Variants in NBAS observed in about 807,000 individuals in gnomAD.
NBAS encodes NBAS subunit of NRZ tethering complex, also known as NAG/BC035112 fusion.
NBAS carries 219 observed loss-of-function variants against 302.5 expected under a neutral mutation model. The ratio of observed to expected loss-of-function variants is 0.72; its 90% CI spans 0.65 to 0.81. The LOEUF (loss-of-function observed/expected upper bound fraction) is 0.81, where lower values mean the gene tolerates loss of function less well. NBAS is among the 30% of genes least tolerant of loss of function. The pLI is 0.00. For missense variants in NBAS, 2,932 were observed against 2,841.6 expected (o/e 1.03, Z -0.72); for synonymous variants, 1,118 against 1,021.6 (o/e 1.09, Z -1.80).
intron 49 of NBAS, among the ~76,000 whole-genome samples, chr2:15,188,593 G>T (rs1241592366): frequency 6.6e-6 from 1 of 152,126 alleles, no homozygotes; most frequent in Non-Finnish European, 1.5e-5. Context: ...TAATAAAGCA[G>T]TTTTATAAGA....
intron 21 of NBAS, among the ~76,000 whole-genome samples, chr2:15,431,796 T>C (rs1358035754): frequency 6.6e-6 from 1 of 152,132 alleles, no homozygotes; most frequent in African/African-American, 2.4e-5. Flanking sequence ...AGTAATGGTA[T>C]ACATCTACTA....
At chr2:15,327,685 AT>A in intron 38 of NBAS, 64 bp downstream of exon 38, 1 of 1,596,784 alleles carries the variant, frequency 6.3e-7, no homozygotes, top group Non-Finnish European at 8.6e-7. Flanking sequence ...TCATTCACAA[AT>A]TTTTGGTTAA....
intron 51 of NBAS, among the ~76,000 whole-genome samples, chr2:15,167,992 C>T (rs1558403546): frequency 6.6e-6 from 1 of 152,196 alleles, no homozygotes; most frequent in African/African-American, 2.4e-5. Context: ...TCAGTACCAA[C>T]CTTGCCTTTT....
At chr2:14,834,681 T>C in the NBAS span, among the ~76,000 whole-genome samples, 1 of 151,930 alleles carries the variant, frequency 6.6e-6, no homozygotes, top group Non-Finnish European at 1.5e-5. Flanking sequence ...AGGGGGGAAG[T>C]GGATGCCACT....
the NBAS span, among the ~76,000 whole-genome samples, chr2:15,018,595 C>A: frequency 6.6e-6 from 1 of 151,998 alleles, no homozygotes; most frequent in East Asian, 1.9e-4. Context: ...GAAAAAAACT[C>A]TCTTTCTAAA....
intron 48 of NBAS, among the ~76,000 whole-genome samples, chr2:15,203,633 C>A (rs902385688): frequency 6.6e-6 from 1 of 152,048 alleles, no homozygotes; most frequent in African/African-American, 2.4e-5. Context: ...ACACATTCAG[C>A]ACAATTATAG....
At chr2:15,506,092 A>C (rs1490597335) in intron 10 of NBAS, among the ~76,000 whole-genome samples, 1 of 152,054 alleles carries the variant, frequency 6.6e-6, no homozygotes, top group Non-Finnish European at 1.5e-5. Context: ...GAAATGAGAT[A>C]AAAGGGAGAG....
rs371761152 is a variant in NBAS at position 15,329,492 on chromosome 2, A to T, written c.4347+1106T>A. On this transcript the variant is annotated intron_variant, in intron 36 of 51. Coordinates refer to ENST00000281513, the MANE Select transcript of NBAS (RefSeq NM_015909.4). The stretch of plus-strand genomic sequence containing the variant: ...TTTTCTTCTCTTTCTACAGCACTTA[A>T]ATGAGCATAGTAAAAGTAAAGTTGG... Among the ~76,000 whole-genome samples the T allele has an allele frequency of 1.8e-3, 277 of 152,264 alleles. 2 individuals are homozygous for T. Among genetic ancestry groups the T allele is most frequent in the African/African-American group, 6.3e-3 (263 of 41,530 alleles).
the NBAS span, among the ~76,000 whole-genome samples, chr2:14,794,281 C>T: frequency 6.6e-6 from 1 of 152,174 alleles, no homozygotes; most frequent in South Asian, 2.1e-4. Flanking sequence ...AATAAACCTC[C>T]TAAAATGATT....
At chr2:14,906,492 G>C in the NBAS span, among the ~76,000 whole-genome samples, 1 of 152,148 alleles carries the variant, frequency 6.6e-6, no homozygotes, top group South Asian at 2.1e-4. Flanking sequence ...CCTGTGATGT[G>C]AACCCGAATT....
At position 15,475,665 on chromosome 2, in the gene NBAS, AAC is replaced by A. The variant is rs779177167; in HGVS notation, c.1341+20_1341+21del. 6.2e-7 allele frequency: 1 copy of A among 1,612,306 alleles called. No individual in the cohort carries two copies. The highest frequency in any genetic ancestry group is 1.1e-5 in the South Asian group (1 of 91,028). ...TTGGTTAAATACATAACTATTCTCAAACAAACAGGAAAAAGCCTTACCTCCAA... is the reference window on the plus strand; with the variant it reads ...TTGGTTAAATACATAACTATTCTCAAAAACAGGAAAAAGCCTTACCTCCAA... On this transcript the variant is annotated intron_variant, in intron 14 of 51. Coordinates refer to ENST00000281513, the MANE Select transcript of NBAS (RefSeq NM_015909.4).
the NBAS span, among the ~76,000 whole-genome samples, chr2:14,950,936 C>T: frequency 9.8e-4 from 149 of 152,324 alleles, 1 homozygote; most frequent in East Asian, 0.021. Context: ...ACAGCTCCCC[C>T]TCCATCCTCC....
intron 24 of NBAS, among the ~76,000 whole-genome samples, chr2:15,416,415 G>A (rs1676935369): frequency 6.6e-6 from 1 of 152,074 alleles, no homozygotes; most frequent in Admixed American, 6.5e-5. Context: ...GCTATTAAGA[G>A]GAGTCAACAT....
At chr2:15,038,941 G>A in the NBAS span, among the ~76,000 whole-genome samples, 2 of 152,290 alleles carry the variant, frequency 1.3e-5, no homozygotes, top group African/African-American at 4.8e-5. Context: ...TAGACCCTGA[G>A]GCATCATCTT....
chr2:15,299,312 T>C (rs1329502188), intron 40 of NBAS, among the ~76,000 whole-genome samples: 1 of 152,216 alleles, frequency 6.6e-6, no homozygotes, highest in African/African-American at 2.4e-5. Flanking sequence ...GAATAAAGTA[T>C]GATTTCTTTA....
intron 50 of NBAS, among the ~76,000 whole-genome samples, chr2:15,180,629 T>C (rs991848289): frequency 6.6e-6 from 1 of 152,180 alleles, no homozygotes; most frequent in African/African-American, 2.4e-5. Flanking sequence ...CCACACAAAG[T>C]GATGTGCGGG....
At chr2:15,365,416 T>A (rs1674149680) in intron 32 of NBAS, among the ~76,000 whole-genome samples, 1 of 152,212 alleles carries the variant, frequency 6.6e-6, no homozygotes, top group South Asian at 2.1e-4. Context: ...ATGCATTAAC[T>A]CATTTGGGCC....
At chr2:15,152,931 G>A in the NBAS span, among the ~76,000 whole-genome samples, 3 of 152,180 alleles carry the variant, frequency 2.0e-5, no homozygotes, top group East Asian at 5.8e-4. Flanking sequence ...TTTTACAGAA[G>A]TAAAGGCAGA....
intron 8 of NBAS, among the ~76,000 whole-genome samples, chr2:15,536,063 G>C (rs1342327527): frequency 1.3e-5 from 2 of 152,170 alleles, no homozygotes; most frequent in African/African-American, 4.8e-5. Flanking sequence ...GCATTTCACT[G>C]CATGCAAATT....
Sources: allele counts gnomAD v4.1 joint callset (sites outside exome capture counted in the v4.1 genomes callset), GRCh38; gene constraint gnomAD v4.1.1; transcripts MANE v1.5; gene names NCBI Gene and HGNC (gene_info 2026-07-23, HGNC 2026-07-21).